The following HOXC13 variants were observed in gnomAD, a reference collection of about 807,000 sequenced individuals.
HOXC13 encodes homeobox C13.
Under a neutral mutation model 25.9 loss-of-function variants are expected in HOXC13, and 10 were observed. The observed-to-expected ratio is 0.39, with a 90% CI of 0.24 to 0.65. The LOEUF (loss-of-function observed/expected upper bound fraction) is 0.65, where lower values mean the gene tolerates loss of function less well. HOXC13 is among the 30% of genes least tolerant of loss of function. The pLI is 0.50. For synonymous variants in HOXC13, 233 were observed against 217.1 expected (o/e 1.07, Z -0.64); for missense variants, 439 against 478.3 (o/e 0.92, Z 0.77).
chr12:53,939,023 G>C lies in HOXC13; in HGVS notation c.117G>C (p.Thr39=), dbSNP rs776545244. The part of the protein sequence containing the change: ...GGGGGGGGGG[T]GGAGGGCSGA... ...GCGGCGGAGGAGGAGGCGGCGGCACGGGCGGAGCGGGGGGTGGCTGCAGCG... is the reference window on the plus strand; with the variant it reads ...GCGGCGGAGGAGGAGGCGGCGGCACCGGCGGAGCGGGGGGTGGCTGCAGCG... Residue 39 remains threonine (T), a synonymous_variant, in exon 1 of 2, where the codon ACG becomes ACC. Transcript: ENST00000243056. The surrounding 1 kb of genome is among the most constrained non-coding windows in gnomAD (Gnocchi z 6.7). The C allele has an allele frequency of 8.5e-5, 126 of 1,480,184 alleles. No individual in the cohort carries two copies. Among genetic ancestry groups the C allele is most frequent in the Non-Finnish European group, 1.1e-4 (119 of 1,122,298 alleles). The allele number at this position is 1,480,184 out of a possible 1,614,324, so 91.7% of individuals were successfully genotyped here.
At chr12:53,941,684 ATACAC>A (rs573269509) in intron 1 of HOXC13, among the ~76,000 whole-genome samples, 77 of 152,380 alleles carry the variant, frequency 5.1e-4, no homozygotes, top group Admixed American at 1.9e-3. Flanking sequence ...TTGAGATTTA[ATACAC>A]TTGCAAATTA....
Position 53,939,113 on chromosome 12 carries a change from C to T in HOXC13, c.207C>T (p.Cys69=). 1 of 1,454,030 alleles carries T rather than the reference C, an allele frequency of 6.9e-7. No individual in the cohort carries two copies. The highest frequency in any genetic ancestry group is 9.0e-7 in the Non-Finnish European group (1 of 1,114,806). 90.1% of individuals were successfully genotyped at this position (1,454,030 alleles called of 1,614,324 possible). ...GLGSSCPASH[C]RDLLPHPVLG... ...GCAGCAGCTGCCCGGCCAGCCACTG[C>T]CGCGACCTGCTTCCGCACCCCGTGC... is the stretch of plus-strand genomic sequence containing the variant. The change falls in exon 1 of 2, where the codon TGC becomes TGT. Residue 69 remains cysteine (C), a synonymous_variant. Transcript: ENST00000243056. The surrounding 1 kb of genome is among the most constrained non-coding windows in gnomAD (Gnocchi z 6.7).
In HOXC13 at chr12:53,945,531, G is replaced by T; in HGVS notation, c.*275G>T. 1.9e-6 allele frequency: 1 copy of T among 513,120 alleles called. No individual in the cohort carries two copies. The highest frequency in any genetic ancestry group is 3.5e-6 in the Non-Finnish European group (1 of 283,154). The allele number at this position is 513,120 out of a possible 1,614,324, so 31.8% of individuals were successfully genotyped here. On this transcript the variant is annotated 3_prime_UTR_variant, in exon 2 of 2. Coordinates refer to ENST00000243056, the MANE Select transcript of HOXC13 (RefSeq NM_017410.3). This position sits in a 1 kb window ranked among gnomAD's most constrained non-coding sequence, Gnocchi z 4.4. ...AGTGGGCCGTGCGAGGAAGGCTGTC[G>T]ACCTCTACTCCTCCTTGCGCTCACC...
chr12:53,938,926 T>C lies in HOXC13; in HGVS notation c.20T>C (p.Leu7Pro), dbSNP rs1002264858. Residue 7 changes from leucine to proline, a missense_variant, in exon 1 of 2, where the codon CTG becomes CCG. Physicochemically the swap from Leu to Pro is moderately conservative, Grantham distance 98. Transcript: ENST00000243056. ...CATGTCATGACGACTTCGCTGCTCC[T>C]GCATCCACGCTGGCCGGAGAGCCTT... MTTSLL[L>P]HPRWPESLMY... is the part of the protein sequence containing the mutation. 7 of 1,559,598 alleles carry C rather than the reference T, an allele frequency of 4.5e-6. No individual in the cohort carries two copies. The highest frequency in any genetic ancestry group is 6.0e-6 in the Non-Finnish European group (7 of 1,160,488).
rs770420677 is a variant in HOXC13 at position 53,939,315 on chromosome 12, A to G, written c.409A>G (p.Asn137Asp). Residue 137 changes from asparagine to aspartate, a missense_variant, in exon 1 of 2, where the codon AAC (asparagine) becomes GAC (aspartate). Asn to Asp is a conservative substitution (Grantham distance 23). Coordinates refer to ENST00000243056, the MANE Select transcript of HOXC13 (RefSeq NM_017410.3). The surrounding 1 kb of genome is among the most constrained non-coding windows in gnomAD (Gnocchi z 6.7). ...GSYYGCRLSH[N>D]VNLQQKPCAY... is the part of the protein sequence containing the mutation. ...CTACTACGGCTGCCGCCTGTCGCAC[A>G]ACGTGAACCTGCAGCAGAAGCCTTG... 3.0e-5 allele frequency: 47 copies of G among 1,588,664 alleles called. No homozygotes were observed. The highest frequency in any genetic ancestry group is 3.9e-5 in the Non-Finnish European group (46 of 1,168,884).
At position 53,939,551 on chromosome 12, in the gene HOXC13, G is replaced by T; in HGVS notation, c.645G>T (p.Gln215His). 11 of 1,612,198 alleles carry T rather than the reference G, an allele frequency of 6.8e-6. No homozygotes were observed. Among genetic ancestry groups the T allele is most frequent in the Non-Finnish European group, 9.3e-6 (11 of 1,179,756 alleles). Residue 215 changes from glutamine to histidine, a missense_variant, in exon 1 of 2, where the codon CAG becomes CAT. Gln to His is a conservative substitution (Grantham distance 24). Transcript: ENST00000243056. The surrounding 1 kb of genome is among the most constrained non-coding windows in gnomAD (Gnocchi z 6.7). ...CCCTCATCCCCGTCGAAGGCTACCA[G>T]CACTGGGCTCTCTCCAATGGCTGGG... ...HDALIPVEGY[Q>H]HWALSNGWDS...
At position 53,941,900 on chromosome 12, in the gene HOXC13, AT is replaced by A. The variant is rs374491731; in HGVS notation, c.736+2259del. Among the ~76,000 whole-genome samples the A allele has an allele frequency of 2.6e-4, 39 of 152,332 alleles. No homozygotes were observed. The East Asian group carries it at 7.3e-3, about 29-fold the overall frequency. On this transcript the variant is annotated intron_variant, in intron 1 of 1. Transcript: ENST00000243056. ...CTTTTAGAAGTAGTGAGATTTCAAG[AT>A]AACTCTGTCTGTGCAATTGTGGTTT...
At chr12:53,942,500 G>A (rs1200790495) in intron 1 of HOXC13, among the ~76,000 whole-genome samples, 3 of 152,090 alleles carry the variant, frequency 2.0e-5, no homozygotes, top group South Asian at 2.1e-4. Context: ...GCATTGAGAT[G>A]ATTTTTATTT....
At chr12:53,943,687 A>G (rs1209931201) in intron 1 of HOXC13, among the ~76,000 whole-genome samples, 1 of 152,184 alleles carries the variant, frequency 6.6e-6, no homozygotes, top group African/African-American at 2.4e-5. Flanking sequence ...AAGCAGACCC[A>G]ATGGGGATGG....
In HOXC13 at chr12:53,945,334, G is replaced by C. The variant is rs997205732; in HGVS notation, c.*78G>C. On this transcript the variant is annotated 3_prime_UTR_variant, in exon 2 of 2. Transcript: ENST00000243056. This position sits in a 1 kb window ranked among gnomAD's most constrained non-coding sequence, Gnocchi z 4.4. The stretch of plus-strand genomic sequence containing the variant: ...CCGAACCCACGGAAAGACGCTGCGC[G>C]GGTGCAGAAGAGTATTTAATGTTAA... 9 of 1,525,246 alleles carry C rather than the reference G, an allele frequency of 5.9e-6. No homozygotes were observed. Among genetic ancestry groups the C allele is most frequent in the Middle Eastern group, 3.5e-4 (2 of 5,784 alleles). The allele number at this position is 1,525,246 out of a possible 1,614,324, so 94.5% of individuals were successfully genotyped here.
In HOXC13 at chr12:53,938,947, G is replaced by T; in HGVS notation, c.41G>T (p.Ser14Ile). The T allele has an allele frequency of 6.4e-7, 1 of 1,556,920 alleles. No individual in the cohort carries two copies. The highest frequency in any genetic ancestry group is 2.4e-5 in the East Asian group (1 of 41,420). The stretch of plus-strand genomic sequence containing the variant: ...CTCCTGCATCCACGCTGGCCGGAGA[G>T]CCTTATGTACGTCTATGAGGACAGC... ...SLLLHPRWPE[S>I]LMYVYEDSAA... The change falls in exon 1 of 2, where the codon AGC becomes ATC. Residue 14 changes from serine to isoleucine, a missense_variant. Physicochemically the swap from Ser to Ile is moderately radical, Grantham distance 142. Coordinates refer to ENST00000243056, the MANE Select transcript of HOXC13 (RefSeq NM_017410.3).
chr12:53,938,878 G>C lies in HOXC13; in HGVS notation c.-29G>C. 6.5e-7 allele frequency: 1 copy of C among 1,528,086 alleles called. No individual in the cohort carries two copies. Among genetic ancestry groups the C allele is most frequent in the Non-Finnish European group, 8.7e-7 (1 of 1,145,302 alleles). The allele number at this position is 1,528,086 out of a possible 1,614,324, so 94.7% of individuals were successfully genotyped here. On this transcript the variant is annotated 5_prime_UTR_variant, in exon 1 of 2. Coordinates refer to ENST00000243056, the MANE Select transcript of HOXC13 (RefSeq NM_017410.3). ...TAGCTCGCTGCCTCTGGCAAGTGGA[G>C]TTTTTAAAAAGCTCCAGCAGATCAT...
At chr12:53,941,334 G>A (rs907482760) in intron 1 of HOXC13, among the ~76,000 whole-genome samples, 10 of 152,232 alleles carry the variant, frequency 6.6e-5, no homozygotes, top group Admixed American at 1.3e-4. Flanking sequence ...CCTGGGGCAG[G>A]GAAGCCAATG....
At position 53,946,144 on chromosome 12, in the gene HOXC13, G is replaced by A. The variant is rs1938690864; in HGVS notation, c.*888G>A. ...CATCTCTTCCAAGGGGATGGAGAGT[G>A]GGTCCCTCAACAAAGTCCCTGTCCA... is the stretch of plus-strand genomic sequence containing the variant. On this transcript the variant is annotated 3_prime_UTR_variant, in exon 2 of 2. Transcript: ENST00000243056. The A allele has an allele frequency of 4.3e-6, 1 of 230,606 alleles. No homozygotes were observed. Among genetic ancestry groups the A allele is most frequent in the African/African-American group, 2.2e-5 (1 of 45,192 alleles). 14.3% of individuals were successfully genotyped at this position (230,606 alleles called of 1,614,324 possible).
In HOXC13 at chr12:53,945,517, C is replaced by A. The variant is rs1938680681; in HGVS notation, c.*261C>A. 9.4e-6 allele frequency: 5 copies of A among 530,592 alleles called. No homozygotes were observed. Among genetic ancestry groups the A allele is most frequent in the Non-Finnish European group, 1.4e-5 (4 of 294,252 alleles). The allele number at this position is 530,592 out of a possible 1,614,324, so 32.9% of individuals were successfully genotyped here. On this transcript the variant is annotated 3_prime_UTR_variant, in exon 2 of 2. Coordinates refer to ENST00000243056, the MANE Select transcript of HOXC13 (RefSeq NM_017410.3). The surrounding 1 kb of genome is among the most constrained non-coding windows in gnomAD (Gnocchi z 4.4). ...GGAAATGGGTCCCGAGTGGGCCGTG[C>A]GAGGAAGGCTGTCGACCTCTACTCC... is the stretch of plus-strand genomic sequence containing the variant.
chr12:53,940,823 C>T (rs2136355917), intron 1 of HOXC13, among the ~76,000 whole-genome samples: 1 of 152,262 alleles, frequency 6.6e-6, no homozygotes, highest in Admixed American at 6.5e-5. Context: ...CAGTGCCCAG[C>T]TCCCCGACCA....
At position 53,946,033 on chromosome 12, in the gene HOXC13, G is replaced by C. The variant is rs1407028748; in HGVS notation, c.*777G>C. The C allele has an allele frequency of 4.3e-6, 1 of 231,222 alleles. No individual in the cohort carries two copies. The highest frequency in any genetic ancestry group is 2.2e-5 in the African/African-American group (1 of 45,196). The allele number at this position is 231,222 out of a possible 1,614,324, so 14.3% of individuals were successfully genotyped here. A position where few individuals can be genotyped will look rare whatever the true frequency, so the allele number is the denominator to read the frequency against. ...AAGACTCCAGCCACGCTGCTAAATA[G>C]GGCTCCTCTCTCCTCTCTCTCTCTC... On this transcript the variant is annotated 3_prime_UTR_variant, in exon 2 of 2. Transcript: ENST00000243056.
chr12:53,942,476 A>G lies in HOXC13; in HGVS notation c.737-2524A>G, dbSNP rs188601813. 8.2e-3 allele frequency among the ~76,000 whole-genome samples: 1,252 copies of G among 152,176 alleles called. 7 individuals are homozygous for G. Among genetic ancestry groups the G allele is most frequent in the Non-Finnish European group, 0.013 (851 of 67,984 alleles). ...CAGAGGGGCCCCGAAGCCCAAAAAG[A>G]AAGCCATGGCTGAGCATTGAGATGA... is the stretch of plus-strand genomic sequence containing the variant. On this transcript the variant is annotated intron_variant, in intron 1 of 1. Transcript: ENST00000243056.
Position 53,942,611 on chromosome 12 carries a change from G to A in HOXC13, c.737-2389G>A, listed in dbSNP as rs566062230. Among the ~76,000 whole-genome samples the A allele has an allele frequency of 1.4e-3, 218 of 152,292 alleles. 4 individuals are homozygous for A. The highest frequency in any genetic ancestry group is 5.1e-3 in the African/African-American group (210 of 41,562). The stretch of plus-strand genomic sequence containing the variant: ...GGGTGATTGTAAGATTAATAACTAA[G>A]CCCCCACTCACTTTAGGCAGTGTAC... On this transcript the variant is annotated intron_variant, in intron 1 of 1. Coordinates refer to ENST00000243056, the MANE Select transcript of HOXC13 (RefSeq NM_017410.3).
Sources: allele counts gnomAD v4.1 joint callset (sites outside exome capture counted in the v4.1 genomes callset), GRCh38; gene constraint gnomAD v4.1.1; non-coding constraint Gnocchi (gnomAD v3.1); transcripts MANE v1.5; gene names NCBI Gene and HGNC (gene_info 2026-07-23, HGNC 2026-07-21).